The following OAS2 variants were observed in gnomAD, a reference collection of about 807,000 sequenced individuals.
The protein encoded by OAS2 is 2'-5'-oligoadenylate synthetase 2, also known as 2'-5'-oligoadenylate synthase 2.
Under a neutral mutation model 71.3 loss-of-function variants are expected in OAS2, and 67 were observed. That is an observed-to-expected ratio of 0.94 (90% CI 0.77 to 1.15). The LOEUF (loss-of-function observed/expected upper bound fraction) is 1.15, where lower values mean the gene tolerates loss of function less well. Among genes scored for constraint, OAS2 ranks in the 50% most tolerant of loss-of-function variants. OAS2 has a pLI of 0.00. For synonymous variants in OAS2, 327 were observed against 321.8 expected, an observed-to-expected ratio of 1.02 and a Z score of -0.17; for missense variants, 789 against 822.5, an observed-to-expected ratio of 0.96 and a Z score of 0.50.
intron 1 of OAS2, among the ~76,000 whole-genome samples, chr12:112,984,361 A>G (rs1411325485): frequency 6.6e-6 from 1 of 151,828 alleles, no homozygotes; most frequent in Non-Finnish European, 1.5e-5. Context: ...CTTAAAGTCT[A>G]CTCTGTCTGA....
At position 113,011,241 on chromosome 12, in the gene OAS2, C is replaced by T. The variant is rs2044378307; in HGVS notation, c.*1986C>T. 1.3e-5 allele frequency: 2 copies of T among 152,206 alleles called. No homozygotes were observed. Among genetic ancestry groups the T allele is most frequent in the African/African-American group, 4.8e-5 (2 of 41,444 alleles). 9.4% of individuals were successfully genotyped at this position (152,206 alleles called of 1,614,324 possible). ...GATTTTGTGCCTAGTTCCTAGCACA[C>T]AGCTTCAAAAATTCTAGAGTTTCCT... On this transcript the variant is annotated 3_prime_UTR_variant, in exon 10 of 10. Transcript: ENST00000392583.
At chr12:112,995,546 G>A in intron 3 of OAS2, 72 bp downstream of exon 3, 1 of 1,414,626 alleles carries the variant, frequency 7.1e-7, no homozygotes. Flanking sequence ...ATCCAGTAAA[G>A]TGCAACAATC....
Position 113,009,301 on chromosome 12 carries a change from G to A in OAS2, c.*46G>A, listed in dbSNP as rs754206040. 6 of 1,595,690 alleles carry A rather than the reference G, an allele frequency of 3.8e-6. No individual in the cohort carries two copies. The Admixed American group carries it at 1.1e-4, about 28-fold the overall frequency. On this transcript the variant is annotated 3_prime_UTR_variant, in exon 10 of 10. Coordinates refer to ENST00000392583, the MANE Select transcript of OAS2 (RefSeq NM_002535.3). ...AGCCCTGTAACAGGCTTGAATCAAA[G>A]AACTTCTCCTACTGTAGCAACCTGA...
At chr12:113,001,887 A>AT (rs758626531) in intron 5 of OAS2, among the ~76,000 whole-genome samples, 16,264 of 110,588 alleles carry the variant, frequency 0.15, 2,883 homozygotes, top group East Asian at 0.38. Flanking sequence ...AAAAAAAAAA[A>AT]AGCTAGGCGT....
At chr12:113,008,510 C>A (rs929380180) in intron 9 of OAS2, among the ~76,000 whole-genome samples, 1 of 152,156 alleles carries the variant, frequency 6.6e-6, no homozygotes, top group African/African-American at 2.4e-5. Context: ...GCTGACATAG[C>A]AAGGAGGAGA....
chr12:112,992,832 C>T (rs2044203499), intron 2 of OAS2, among the ~76,000 whole-genome samples: 1 of 152,090 alleles, frequency 6.6e-6, no homozygotes, highest in African/African-American at 2.4e-5. Flanking sequence ...CTGCTTCAAA[C>T]AAGGGCTGGA....
chr12:112,995,380 C>T lies in OAS2; in HGVS notation c.533C>T (p.Ala178Val), dbSNP rs771302769. ...DKTNASPGEFAVCFTELQQKF... is the reference protein window; with the variant it reads ...DKTNASPGEFVVCFTELQQKF... ...ACAAATGCCAGTCCTGGTGAGTTTG[C>T]AGTCTGCTTCACTGAACTCCAGCAG... The change falls in exon 3 of 10, where the codon GCA (alanine) becomes GTA (valine). Residue 178 changes from alanine to valine, a missense_variant. Physicochemically the swap from Ala to Val is moderately conservative, Grantham distance 64 (BLOSUM62 0). Transcript: ENST00000392583. 1.8e-5 allele frequency: 29 copies of T among 1,614,102 alleles called. No homozygotes were observed. In the South Asian group the frequency reaches 3.0e-4, roughly 17 times the overall value.
At chr12:113,003,424 T>G (rs2044306420) in intron 6 of OAS2, among the ~76,000 whole-genome samples, 1 of 152,188 alleles carries the variant, frequency 6.6e-6, no homozygotes, top group Non-Finnish European at 1.5e-5. Flanking sequence ...CCCCCTTCTC[T>G]TCTTTTCTAA....
rs952814557 is a variant in OAS2 at position 113,006,587 on chromosome 12, A to C, written c.1643A>C (p.His548Pro). The change falls in exon 8 of 10, where the codon CAC becomes CCC. Residue 548 changes from histidine to proline, a missense_variant. Physicochemically the swap from His to Pro is moderately conservative, Grantham distance 77. Coordinates refer to ENST00000392583, the MANE Select transcript of OAS2 (RefSeq NM_002535.3). ...KLKDLIRLVK[H>P]WYKECERKLK... The stretch of plus-strand genomic sequence containing the variant: ...AAGGATTTAATTCGCCTGGTGAAGC[A>C]CTGGTACAAAGAGGTAAGGACAGTC... 5 of 1,605,954 alleles carry C rather than the reference A, an allele frequency of 3.1e-6. No individual in the cohort carries two copies. The highest frequency in any genetic ancestry group is 4.3e-6 in the Non-Finnish European group (5 of 1,173,846).
At chr12:112,985,289 A>G (rs2044123780) in intron 1 of OAS2, among the ~76,000 whole-genome samples, 4 of 152,140 alleles carry the variant, frequency 2.6e-5, no homozygotes, top group Admixed American at 2.6e-4. Flanking sequence ...AAATTTAAAT[A>G]TTTGGTTACT....
intron 6 of OAS2, among the ~76,000 whole-genome samples, chr12:113,003,823 G>A (rs140084272): frequency 5.3e-5 from 8 of 152,284 alleles, no homozygotes; most frequent in African/African-American, 1.4e-4. Context: ...AAATTTCTGC[G>A]TTGATGCCAG....
At chr12:112,981,239 T>C (rs190051772) in intron 1 of OAS2, among the ~76,000 whole-genome samples, 6 of 152,304 alleles carry the variant, frequency 3.9e-5, no homozygotes, top group Admixed American at 3.9e-4. Context: ...CAATTGTCTA[T>C]TTTTTGTTTT....
intron 7 of OAS2, 49 bp downstream of exon 7, chr12:113,005,271 G>A: frequency 6.4e-7 from 1 of 1,564,438 alleles, no homozygotes; most frequent in South Asian, 1.2e-5. Context: ...ACAGAAGGTG[G>A]AGGGAGAGCC....
chr12:112,995,714 A>AT (rs1350862069), intron 3 of OAS2, among the ~76,000 whole-genome samples: 1 of 152,166 alleles, frequency 6.6e-6, no homozygotes, highest in Non-Finnish European at 1.5e-5. Context: ...ACCACCGCAG[A>AT]TTAGTTTTGC....
intron 8 of OAS2, among the ~76,000 whole-genome samples, chr12:113,006,952 C>G (rs1036061287): frequency 6.6e-6 from 1 of 152,202 alleles, no homozygotes; most frequent in African/African-American, 2.4e-5. Context: ...TGCTCTCTCT[C>G]AGAAGGCAGG....
chr12:112,984,556 G>A (rs546348279), intron 1 of OAS2, among the ~76,000 whole-genome samples: 18 of 152,122 alleles, frequency 1.2e-4, no homozygotes, highest in Non-Finnish European at 1.8e-4. Context: ...AATTTAAACC[G>A]TTGTTAAATT....
chr12:113,010,719 A>G lies in OAS2; in HGVS notation c.*1464A>G. On this transcript the variant is annotated 3_prime_UTR_variant, in exon 10 of 10. Transcript: ENST00000392583. ...ACTTTATGTGCATCTTATTTCTGTC[A>G]ACTTGTATTTTTTTTCTTGTATTTT... is the stretch of plus-strand genomic sequence containing the variant. The G allele has an allele frequency of 2.8e-6, 1 of 362,700 alleles. No individual in the cohort carries two copies. The allele number at this position is 362,700 out of a possible 1,614,324, so 22.5% of individuals were successfully genotyped here.
chr12:112,991,064 C>T (rs553777994), intron 2 of OAS2, among the ~76,000 whole-genome samples: 1 of 152,290 alleles, frequency 6.6e-6, no homozygotes, highest in Non-Finnish European at 1.5e-5. Context: ...TCCAGCTGTA[C>T]CACTCACCAC....
rs1240878312 is a variant in OAS2, at chr12:113,010,800, C to T, written c.*1545C>T. On this transcript the variant is annotated 3_prime_UTR_variant, in exon 10 of 10. Transcript: ENST00000392583. ...CTAAAAAAGGAATCCTCTGTGTCTT[C>T]AAAGCAAAGCTCTTTACTTTCCCCT... 2 of 189,298 alleles carry T rather than the reference C, an allele frequency of 1.1e-5. No homozygotes were observed. The highest frequency in any genetic ancestry group is 4.7e-5 in the African/African-American group (2 of 42,160). The allele number at this position is 189,298 out of a possible 1,614,324, so 11.7% of individuals were successfully genotyped here. A position where few individuals can be genotyped will look rare whatever the true frequency, so the allele number is the denominator to read the frequency against.
Sources: allele counts gnomAD v4.1 joint callset (sites outside exome capture counted in the v4.1 genomes callset), GRCh38; gene constraint gnomAD v4.1.1; transcripts MANE v1.5; gene names NCBI Gene and HGNC (gene_info 2026-07-23, HGNC 2026-07-21).